The following PLEKHG7 variants were observed in gnomAD, a reference collection of about 807,000 sequenced individuals.
PLEKHG7 encodes the protein pleckstrin homology and RhoGEF domain containing G7, also known as pleckstrin homology domain-containing family G member 7.
In PLEKHG7, 77 loss-of-function variants were observed where a neutral mutation model predicts 85.2. That is an observed-to-expected ratio of 0.90 (90% CI 0.75 to 1.09). The LOEUF is 1.09. Among genes scored for constraint, PLEKHG7 ranks in the 50% least tolerant of loss-of-function variants. The pLI is 0.00. For synonymous variants in PLEKHG7, 301 were observed against 302.4 expected (o/e 1.00, Z 0.05); for missense variants, 777 against 804.3 (o/e 0.97, Z 0.41).
rs993939675 is a variant in PLEKHG7 at position 92,732,603 on chromosome 12, T to C, written c.699+330T>C. 3.3e-5 allele frequency among the ~76,000 whole-genome samples: 5 copies of C among 152,210 alleles called. No individual in the cohort carries two copies. In the East Asian group the frequency reaches 5.8e-4, roughly 18 times the overall value. On this transcript the variant is annotated intron_variant, in intron 5 of 16. Coordinates refer to ENST00000344636, the MANE Select transcript of PLEKHG7 (RefSeq NM_001377329.1). ...ACTCGATGAAGCAAACTTGCACAAA[T>C]GTATGCCCCAGTTTGCAGTTAGTGT...
At chr12:92,704,824 C>T (rs1349992019) in intron 1 of PLEKHG7, among the ~76,000 whole-genome samples, 8 of 152,144 alleles carry the variant, frequency 5.3e-5, no homozygotes, top group East Asian at 1.9e-4. Flanking sequence ...GGGATCCTCC[C>T]GCCTTTGCCT....
intron 15 of PLEKHG7, among the ~76,000 whole-genome samples, chr12:92,768,185 C>A (rs893978041): frequency 2.0e-5 from 3 of 148,444 alleles, no homozygotes. Context: ...CCAGCCCGGG[C>A]GACAGTGAGA....
chr12:92,722,265 A>G (rs776507464), intron 3 of PLEKHG7, among the ~76,000 whole-genome samples: 2 of 152,000 alleles, frequency 1.3e-5, no homozygotes, highest in Admixed American at 6.6e-5. Context: ...AATCCAGTCC[A>G]CTGCCAGGCA....
At chr12:92,712,467 G>A (rs1040331574) in intron 3 of PLEKHG7, among the ~76,000 whole-genome samples, 3 of 152,154 alleles carry the variant, frequency 2.0e-5, no homozygotes, top group African/African-American at 7.2e-5. Context: ...TGCAATTGGA[G>A]TCACCACTTG....
chr12:92,710,449 T>C (rs555141313), intron 3 of PLEKHG7, among the ~76,000 whole-genome samples: 1 of 152,318 alleles, frequency 6.6e-6, no homozygotes, highest in South Asian at 2.1e-4. Context: ...GGCAATGCTG[T>C]GTGGAATACC....
intron 10 of PLEKHG7, 62 bp from the exon 11 acceptor site, chr12:92,754,028 G>C: frequency 1.3e-6 from 2 of 1,537,872 alleles, no homozygotes; most frequent in South Asian, 1.2e-5. Flanking sequence ...TCATATCCAG[G>C]CTTCTTAGTG....
chr12:92,707,747 G>T (rs371059960), intron 3 of PLEKHG7, 75 bp downstream of exon 3: 7 of 1,606,064 alleles, frequency 4.4e-6, no homozygotes, highest in Non-Finnish European at 5.1e-6. Context: ...TTTCTGTCCT[G>T]ACATAACAAA....
intron 5 of PLEKHG7, among the ~76,000 whole-genome samples, chr12:92,733,608 T>C (rs1190702376): frequency 6.6e-6 from 1 of 152,170 alleles, no homozygotes; most frequent in Non-Finnish European, 1.5e-5. Context: ...CTGAGCTCTT[T>C]CTTCGAATAA....
rs547757247 is a variant in PLEKHG7, at chr12:92,731,953, A to G, written c.659-280A>G. 3.9e-5 allele frequency among the ~76,000 whole-genome samples: 6 copies of G among 152,348 alleles called. No individual in the cohort carries two copies. The South Asian group carries it at 1.2e-3, about 32-fold the overall frequency. ...CAGTTTATAGATTTCCTTTCAAGCAATGAGGAAAAAGAGTTTAAATAATAC... is the reference window on the plus strand; with the variant it reads ...CAGTTTATAGATTTCCTTTCAAGCAGTGAGGAAAAAGAGTTTAAATAATAC... On this transcript the variant is annotated intron_variant, in intron 4 of 16. Transcript: ENST00000344636.
At chr12:92,738,384 G>A (rs1430454004) in intron 7 of PLEKHG7, among the ~76,000 whole-genome samples, 1 of 152,174 alleles carries the variant, frequency 6.6e-6, no homozygotes, top group Non-Finnish European at 1.5e-5. Context: ...GTCTTACACA[G>A]CCAAAAGGCA....
Position 92,772,228 on chromosome 12 carries a change from GAC to G in PLEKHG7, c.*2039_*2040del, listed in dbSNP as rs2136641595. 1 of 151,832 alleles carries G rather than the reference GAC, an allele frequency of 6.6e-6. No homozygotes were observed. The highest frequency in any genetic ancestry group is 2.4e-5 in the African/African-American group (1 of 41,474). The allele number at this position is 151,832 out of a possible 1,614,324, so 9.4% of individuals were successfully genotyped here. A position where few individuals can be genotyped will look rare whatever the true frequency, so the allele number is the denominator to read the frequency against. On this transcript the variant is annotated 3_prime_UTR_variant, in exon 17 of 17. Transcript: ENST00000344636. The stretch of plus-strand genomic sequence containing the variant: ...AATGGTCATCTGGGTATTAAATGCA[GAC>G]ACACAATGAAATAAGGGGTTAATTA...
At chr12:92,757,054 G>A (rs142874733) in intron 13 of PLEKHG7, among the ~76,000 whole-genome samples, 2 of 152,316 alleles carry the variant, frequency 1.3e-5, no homozygotes, top group African/African-American at 2.4e-5. Flanking sequence ...AGTCTTGGAG[G>A]CAGAAGCCCC....
At chr12:92,727,717 T>A (rs1239539339) in intron 3 of PLEKHG7, among the ~76,000 whole-genome samples, 1 of 151,928 alleles carries the variant, frequency 6.6e-6, no homozygotes, top group African/African-American at 2.4e-5. Context: ...GCCTCCCAAG[T>A]GGATGGGATT....
At chr12:92,716,443 C>G (rs1871496508) in intron 3 of PLEKHG7, among the ~76,000 whole-genome samples, 1 of 152,180 alleles carries the variant, frequency 6.6e-6, no homozygotes, top group South Asian at 2.1e-4. Flanking sequence ...GCCCAATATA[C>G]TCTTAGTTCT....
chr12:92,707,513 C>A, intron 2 of PLEKHG7, 137 bp from the exon 3 acceptor site: 1 of 1,471,496 alleles, frequency 6.8e-7, no homozygotes, highest in Non-Finnish European at 9.0e-7. Flanking sequence ...GCCAGTTATT[C>A]AAATTTCCAA....
chr12:92,733,928 G>A lies in PLEKHG7; in HGVS notation c.699+1655G>A, dbSNP rs550181377. The stretch of plus-strand genomic sequence containing the variant: ...TATCAGCTCACAATTGAGAAGATGG[G>A]ACTGACAAGTAAACTGTGGGTGGCG... On this transcript the variant is annotated intron_variant, in intron 5 of 16. Transcript: ENST00000344636. Among the ~76,000 whole-genome samples, 15 of 152,320 alleles carry A rather than the reference G, an allele frequency of 9.8e-5. No individual in the cohort carries two copies. The South Asian group carries it at 3.1e-3, about 32-fold the overall frequency.
chr12:92,744,409 T>C (rs1565793054), intron 9 of PLEKHG7, among the ~76,000 whole-genome samples: 1 of 152,166 alleles, frequency 6.6e-6, no homozygotes, highest in East Asian at 1.9e-4. Flanking sequence ...AGACGCTTAA[T>C]TGAGATGGTG....
At chr12:92,715,521 C>G (rs1280162655) in intron 3 of PLEKHG7, among the ~76,000 whole-genome samples, 4 of 152,062 alleles carry the variant, frequency 2.6e-5, no homozygotes, top group Non-Finnish European at 5.9e-5. Context: ...AGACAGATCC[C>G]CCATTTGTCT....
intron 3 of PLEKHG7, among the ~76,000 whole-genome samples, chr12:92,724,704 A>G (rs556327387): frequency 2.2e-4 from 33 of 152,330 alleles, no homozygotes; most frequent in African/African-American, 7.7e-4. Context: ...CAAGGAGTAA[A>G]CAGAAGAAGC....
Sources: allele counts gnomAD v4.1 joint callset (sites outside exome capture counted in the v4.1 genomes callset), GRCh38; gene constraint gnomAD v4.1.1; transcripts MANE v1.5; gene names NCBI Gene and HGNC (gene_info 2026-07-23, HGNC 2026-07-21).